GNA14: variants seen among roughly 807,000 people sequenced by gnomAD.
GNA14 encodes G protein subunit alpha 14.
In GNA14, 50 loss-of-function variants were observed where a neutral mutation model predicts 42.0. That is an observed-to-expected ratio of 1.19 (90% CI 0.95 to 1.51). The LOEUF (loss-of-function observed/expected upper bound fraction) is 1.51. GNA14 is among the 40% of genes most tolerant of loss of function. The pLI, the probability that GNA14 is intolerant of heterozygous loss-of-function variation, is 0.00. For missense variants in GNA14, 473 were observed against 446.2 expected, an observed-to-expected ratio of 1.06 and a Z score of -0.54; for synonymous variants, 173 against 163.1, an observed-to-expected ratio of 1.06 and a Z score of -0.46.
chr9:77,525,540 C>CTT (rs780509461), intron 2 of GNA14, among the ~76,000 whole-genome samples: 7 of 137,118 alleles, frequency 5.1e-5, no homozygotes, highest in South Asian at 2.4e-4. Flanking sequence ...ATGGTTTGTT[C>CTT]TTTTTTTTTT....
At chr9:77,525,347 G>C (rs952045642) in intron 2 of GNA14, among the ~76,000 whole-genome samples, 1 of 151,932 alleles carries the variant, frequency 6.6e-6, no homozygotes, top group Non-Finnish European at 1.5e-5. Context: ...CTTTCCATTC[G>C]ACCTTCTGCC....
intron 2 of GNA14, among the ~76,000 whole-genome samples, chr9:77,500,617 A>T (rs188266973): frequency 1.2e-4 from 18 of 152,266 alleles, no homozygotes. Flanking sequence ...ATCCCCACTG[A>T]GTCCTTAACT....
intron 2 of GNA14, among the ~76,000 whole-genome samples, chr9:77,441,108 T>G (rs993195806): frequency 1.3e-5 from 2 of 152,228 alleles, no homozygotes; most frequent in Non-Finnish European, 2.9e-5. Flanking sequence ...CTTAATATTT[T>G]CGTTAAAATT....
chr9:77,550,380 T>C (rs1187062188), intron 1 of GNA14, among the ~76,000 whole-genome samples: 1 of 152,202 alleles, frequency 6.6e-6, no homozygotes, highest in Non-Finnish European at 1.5e-5. Context: ...CCCAGAGTTT[T>C]TAAGAAGTGA....
At chr9:77,603,836 C>T (rs993751349) in intron 1 of GNA14, among the ~76,000 whole-genome samples, 4 of 149,078 alleles carry the variant, frequency 2.7e-5, no homozygotes, top group African/African-American at 4.9e-5. Flanking sequence ...GGCGTGGTGG[C>T]GGGAGGCTGA....
chr9:77,531,985 G>A (rs1450188826), intron 1 of GNA14, among the ~76,000 whole-genome samples: 1 of 152,036 alleles, frequency 6.6e-6, no homozygotes, highest in Non-Finnish European at 1.5e-5. Flanking sequence ...ACCAAATGCG[G>A]AGCAAAAGAG....
chr9:77,591,328 A>G (rs761695733), intron 1 of GNA14, among the ~76,000 whole-genome samples: 1 of 152,198 alleles, frequency 6.6e-6, no homozygotes, highest in Non-Finnish European at 1.5e-5. Context: ...TTGTCCACAA[A>G]TCTTTGAGTA....
chr9:77,521,450 C>A (rs1837353224), intron 2 of GNA14, among the ~76,000 whole-genome samples: 1 of 152,104 alleles, frequency 6.6e-6, no homozygotes, highest in African/African-American at 2.4e-5. Flanking sequence ...ATACTCCCAG[C>A]CCCGAAAAAC....
chr9:77,447,924 T>C (rs888067369), intron 2 of GNA14, among the ~76,000 whole-genome samples: 1 of 152,180 alleles, frequency 6.6e-6, no homozygotes, highest in African/African-American at 2.4e-5. Context: ...GGAATGGGAT[T>C]TGGTGAATGG....
At chr9:77,571,442 G>A (rs909206883) in intron 1 of GNA14, among the ~76,000 whole-genome samples, 31 of 152,142 alleles carry the variant, frequency 2.0e-4, no homozygotes, top group African/African-American at 7.0e-4. Flanking sequence ...CATCCAATAT[G>A]GTGCCTACTA....
intron 6 of GNA14, among the ~76,000 whole-genome samples, chr9:77,424,383 C>T (rs1258215746): frequency 2.6e-5 from 4 of 152,132 alleles, no homozygotes; most frequent in African/African-American, 4.8e-5. Flanking sequence ...CCACCACACA[C>T]AGCTAATTTT....
intron 2 of GNA14, among the ~76,000 whole-genome samples, chr9:77,502,348 A>C (rs1466103305): frequency 6.6e-6 from 1 of 152,050 alleles, no homozygotes; most frequent in African/African-American, 2.4e-5. Context: ...CTTTCCATTG[A>C]CTCAGACATT....
intron 2 of GNA14, among the ~76,000 whole-genome samples, chr9:77,490,024 T>G (rs1231039791): frequency 6.6e-6 from 1 of 152,188 alleles, no homozygotes; most frequent in Non-Finnish European, 1.5e-5. Context: ...TTACAATCCC[T>G]GAGCTAGATA....
intron 1 of GNA14, among the ~76,000 whole-genome samples, chr9:77,565,748 G>A (rs909372483): frequency 4.6e-5 from 7 of 152,116 alleles, no homozygotes; most frequent in East Asian, 1.9e-4. Context: ...GTGAGCCACC[G>A]TGCCCAGCAC....
chr9:77,515,818 G>A (rs548383466), intron 2 of GNA14, among the ~76,000 whole-genome samples: 12 of 151,808 alleles, frequency 7.9e-5, no homozygotes, highest in Admixed American at 7.2e-4. Context: ...TAAAAAATTA[G>A]CCAGGCCTGG....
chr9:77,437,025 A>G (rs141862255), intron 2 of GNA14, among the ~76,000 whole-genome samples: 4 of 151,378 alleles, frequency 2.6e-5, no homozygotes, highest in Non-Finnish European at 4.4e-5. Context: ...TGTAATTCCA[A>G]CTTGGGCCCT....
chr9:77,494,770 GTTTT>G (rs869223804), intron 2 of GNA14, among the ~76,000 whole-genome samples: 1 of 111,034 alleles, frequency 9.0e-6, no homozygotes, highest in Admixed American at 8.7e-5. Flanking sequence ...GAGTTGTGGG[GTTTT>G]TGTTTTGTTT....
intron 2 of GNA14, among the ~76,000 whole-genome samples, chr9:77,511,352 T>C (rs79025747): frequency 1.3e-5 from 2 of 152,126 alleles, no homozygotes; most frequent in African/African-American, 2.4e-5. Context: ...TTCCTAAACC[T>C]GCATAGAAAA....
At chr9:77,484,656 T>A (rs542734908) in intron 2 of GNA14, among the ~76,000 whole-genome samples, 25 of 152,278 alleles carry the variant, frequency 1.6e-4, no homozygotes, top group African/African-American at 5.3e-4. Flanking sequence ...GAGGGTATAT[T>A]CCAAGACCTT....
Sources: gnomAD v4.1 joint callset for allele counts (sites outside exome capture counted in the v4.1 genomes callset) on GRCh38, gnomAD v4.1.1 for gene constraint, MANE v1.5 for transcripts, NCBI Gene and HGNC (gene_info 2026-07-23, HGNC 2026-07-21) for gene names.